FLNB: variants seen among roughly 807,000 people sequenced by gnomAD.
The protein encoded by FLNB is filamin B.
FLNB carries 111 observed loss-of-function variants against 250.6 expected under a neutral mutation model. The ratio of observed to expected loss-of-function variants is 0.44; its 90% confidence interval spans 0.38 to 0.52. The LOEUF (loss-of-function observed/expected upper bound fraction) is 0.52, where lower values mean the gene tolerates loss of function less well. FLNB is among the 20% of genes least tolerant of loss of function. FLNB has a pLI of 0.00. For missense variants in FLNB, 2,869 were observed against 3,447.8 expected (o/e 0.83, Z 4.20); for synonymous variants, 1,302 against 1,372.1 (o/e 0.95, Z 1.13).
chr3:58,105,314 A>G, intron 11 of FLNB, 98 bp downstream of exon 11: 1 of 1,513,860 alleles, frequency 6.6e-7, no homozygotes, highest in Non-Finnish European at 9.2e-7. Flanking sequence ...CCTAGCCTCA[A>G]TACCTTTAGC....
intron 1 of FLNB, among the ~76,000 whole-genome samples, chr3:58,050,967 C>A (rs1000668524): frequency 6.6e-6 from 1 of 152,200 alleles, no homozygotes; most frequent in African/African-American, 2.4e-5. Context: ...CTGATATTGC[C>A]TGGGCAAGTG....
intron 1 of FLNB, among the ~76,000 whole-genome samples, chr3:58,056,105 A>ATTTATTT (rs796811846): frequency 3.1e-5 from 4 of 128,730 alleles, no homozygotes; most frequent in African/African-American, 1.5e-4. Context: ...TTATTTATTT[A>ATTTATTT]TTTTTTTTTT....
intron 1 of FLNB, among the ~76,000 whole-genome samples, chr3:58,010,593 C>T (rs1217622353): frequency 1.3e-5 from 2 of 152,200 alleles, no homozygotes; most frequent in African/African-American, 2.4e-5. Context: ...AACCAGCCTC[C>T]CCTCTGAAGA....
chr3:58,110,188 G>A lies in FLNB; in HGVS notation c.2484+18G>A. On this transcript the variant is annotated intron_variant, in intron 16 of 45. Coordinates refer to ENST00000295956, the MANE Select transcript of FLNB (RefSeq NM_001457.4). ...CATCTCAGGTACGTGGTGGGGCCTG[G>A]GAGGAGATGGGTGGAGTAGGCCTGG... The A allele has an allele frequency of 2.5e-6, 4 of 1,613,846 alleles. No individual in the cohort carries two copies. The highest frequency in any genetic ancestry group is 3.4e-6 in the Non-Finnish European group (4 of 1,179,718).
chr3:58,114,426 G>A (rs1264831593), intron 18 of FLNB, among the ~76,000 whole-genome samples: 2 of 152,180 alleles, frequency 1.3e-5, no homozygotes, highest in East Asian at 1.9e-4. Context: ...ATGAGCCACC[G>A]CGCCCGGCCA....
intron 3 of FLNB, among the ~76,000 whole-genome samples, chr3:58,081,229 A>ATTTTTC (rs2097208875): frequency 6.6e-5 from 10 of 152,166 alleles, no homozygotes; most frequent in African/African-American, 2.4e-4. Flanking sequence ...GCAAAGGAAA[A>ATTTTTC]AGCTGGTTAA....
In FLNB at chr3:58,105,193, T is replaced by C. The variant is rs904473276; in HGVS notation, c.1724T>C (p.Ile575Thr). 6 of 1,614,166 alleles carry C rather than the reference T, an allele frequency of 3.7e-6. No individual in the cohort carries two copies. The highest frequency in any genetic ancestry group is 1.3e-5 in the African/African-American group (1 of 75,036). Reference sequence around the variant, plus strand: ...TCAGCGGACTTCGTGGTAGAATCCATTGGCTCTGAAGTGGGGTCTCTGGGT... The same window carrying C: ...TCAGCGGACTTCGTGGTAGAATCCACTGGCTCTGAAGTGGGGTCTCTGGGT... Reference protein sequence around the residue: ...GRSADFVVESIGSEVGSLGFA... With the variant: ...GRSADFVVESTGSEVGSLGFA... The change falls in exon 11 of 46, where the codon ATT (isoleucine) becomes ACT (threonine). Residue 575 changes from isoleucine to threonine, a missense_variant. Ile to Thr is a moderately conservative substitution (Grantham distance 89, BLOSUM62 -1). Transcript: ENST00000295956.
At chr3:58,109,827 T>G in intron 15 of FLNB, 128 bp downstream of exon 15, 2 of 1,415,372 alleles carry the variant, frequency 1.4e-6, no homozygotes, top group Non-Finnish European at 2.0e-6. Context: ...ACTGAGCCTC[T>G]GAGTCATTCC....
At chr3:58,161,180 G>C (rs2097361028) in intron 42 of FLNB, among the ~76,000 whole-genome samples, 1 of 152,160 alleles carries the variant, frequency 6.6e-6, no homozygotes, top group South Asian at 2.1e-4. Context: ...ACTGGAAATG[G>C]AGAGGAGGGA....
Position 58,077,212 on chromosome 3 carries a change from C to T in FLNB, c.459C>T (p.Ile153=). ...TGCTGGGGTGGATTCAGAACAAGAT[C>T]CCCTACTTGCCCATCACCAACTTTA... is the stretch of plus-strand genomic sequence containing the variant. ...QRLLGWIQNK[I]PYLPITNFNQ... is the part of the protein sequence containing the mutation. Residue 153 remains isoleucine (I), a synonymous_variant, in exon 2 of 46, where the codon ATC becomes ATT. Transcript: ENST00000295956. 6.2e-7 allele frequency: 1 copy of T among 1,614,150 alleles called. No homozygotes were observed. The highest frequency in any genetic ancestry group is 1.1e-5 in the South Asian group (1 of 91,082).
intron 6 of FLNB, among the ~76,000 whole-genome samples, chr3:58,096,562 G>T (rs989210475): frequency 6.6e-6 from 1 of 152,080 alleles, no homozygotes; most frequent in Non-Finnish European, 1.5e-5. Flanking sequence ...AAGCTGGAGT[G>T]CAGTGGTGTG....
At chr3:58,109,469 A>G in intron 14 of FLNB, 107 bp from the exon 15 acceptor site, 1 of 1,602,370 alleles carries the variant, frequency 6.2e-7, no homozygotes, top group Admixed American at 1.7e-5. Context: ...CGAAGGGCAG[A>G]GTGCTCCAGC....
At chr3:58,035,485 G>A (rs915288675) in intron 1 of FLNB, among the ~76,000 whole-genome samples, 21 of 152,090 alleles carry the variant, frequency 1.4e-4, no homozygotes, top group Non-Finnish European at 5.9e-5. Context: ...TTTAGGGAAC[G>A]CAACATGTAC....
Position 58,119,699 on chromosome 3 carries a change from CA to C in FLNB, c.2863+711del, listed in dbSNP as rs372514830. On this transcript the variant is annotated intron_variant, in intron 19 of 45. Coordinates refer to ENST00000295956, the MANE Select transcript of FLNB (RefSeq NM_001457.4). ...TACAAGTAAAAATATATCCATTTTT[CA>C]TCTAAAAAACATTACAGTTAAGGGA... Among the ~76,000 whole-genome samples, 44 of 152,262 alleles carry C rather than the reference CA, an allele frequency of 2.9e-4. No individual in the cohort carries two copies. The East Asian group carries it at 8.5e-3, about 29-fold the overall frequency.
At chr3:58,095,525 G>C (rs1373248068) in intron 5 of FLNB, among the ~76,000 whole-genome samples, 1 of 152,096 alleles carries the variant, frequency 6.6e-6, no homozygotes, top group Non-Finnish European at 1.5e-5. Context: ...CAAACTGCTG[G>C]GATTACAGGT....
At chr3:58,100,701 G>A (rs1171154555) in intron 8 of FLNB, among the ~76,000 whole-genome samples, 1 of 149,288 alleles carries the variant, frequency 6.7e-6, no homozygotes, top group African/African-American at 2.5e-5. Flanking sequence ...TGGTTCAAGT[G>A]ATTCTTGCCT....
chr3:58,162,817 A>C, intron 42 of FLNB: 1 of 319,188 alleles, frequency 3.1e-6, no homozygotes, highest in South Asian at 3.2e-5. Context: ...TGGTGAAATG[A>C]GATTCATCTC....
intron 25 of FLNB, chr3:58,132,208 A>G (rs2097308637): frequency 3.4e-6 from 2 of 592,688 alleles, no homozygotes; most frequent in East Asian, 2.9e-5. Context: ...CTGCAACCCA[A>G]CGCGTGCCTT....
At position 58,102,345 on chromosome 3, in the gene FLNB, G is replaced by A; in HGVS notation, c.1483+5G>A. 6.2e-7 allele frequency: 1 copy of A among 1,614,176 alleles called. No homozygotes were observed. The highest frequency in any genetic ancestry group is 8.5e-7 in the Non-Finnish European group (1 of 1,180,006). On this transcript the variant is annotated splice_donor_5th_base_variant and intron_variant, in intron 9 of 45. Transcript: ENST00000295956. ...GTGTAACCATGAAGGGTCCTAGTAA[G>A]TGTTCCTTTGTTTCTCTATCTCAGG...
Sources: gnomAD v4.1 joint callset for allele counts (sites outside exome capture counted in the v4.1 genomes callset) on GRCh38, gnomAD v4.1.1 for gene constraint, MANE v1.5 for transcripts, NCBI Gene and HGNC (gene_info 2026-07-23, HGNC 2026-07-21) for gene names.